EXOC4: variants seen among roughly 807,000 people sequenced by gnomAD.
EXOC4 encodes SEC8-like 1.
EXOC4 carries 71 observed loss-of-function variants against 107.2 expected under a neutral mutation model. The observed-to-expected ratio is 0.66, with a 90% CI of 0.55 to 0.81. The LOEUF (loss-of-function observed/expected upper bound fraction) is 0.81, where lower values mean the gene tolerates loss of function less well. EXOC4 is among the 30% of genes least tolerant of loss of function. EXOC4 has a pLI of 0.00. For missense variants in EXOC4, 1,108 were observed against 1,189.6 expected (o/e 0.93, Z 1.01); for synonymous variants, 456 against 441.2 (o/e 1.03, Z -0.42).
At chr7:133,461,826 A>C (rs1327629125) in intron 7 of EXOC4, among the ~76,000 whole-genome samples, 1 of 152,204 alleles carries the variant, frequency 6.6e-6, no homozygotes, top group East Asian at 1.9e-4. Context: ...AACTTAAGAC[A>C]TTGTGCCTAG....
intron 9 of EXOC4, among the ~76,000 whole-genome samples, chr7:133,503,777 C>T (rs1003994733): frequency 4.6e-5 from 7 of 151,982 alleles, no homozygotes; most frequent in Admixed American, 2.6e-4. Context: ...GGAGCCTAAG[C>T]GTATGAATTA....
At chr7:133,760,952 A>C (rs1796020329) in intron 10 of EXOC4, among the ~76,000 whole-genome samples, 1 of 152,148 alleles carries the variant, frequency 6.6e-6, no homozygotes, top group East Asian at 1.9e-4. Context: ...TCATTATTTG[A>C]CCCATAACAC....
At chr7:133,261,153 A>G (rs1337156390) in intron 1 of EXOC4, among the ~76,000 whole-genome samples, 1 of 151,948 alleles carries the variant, frequency 6.6e-6, no homozygotes, top group Non-Finnish European at 1.5e-5. Context: ...CAAATGGAAT[A>G]TAGGTATTAT....
chr7:133,800,641 A>C (rs984787361), intron 10 of EXOC4, among the ~76,000 whole-genome samples: 2 of 152,200 alleles, frequency 1.3e-5, no homozygotes, highest in African/African-American at 4.8e-5. Flanking sequence ...AAGTTGAAGC[A>C]ATCTTAGGAA....
chr7:134,078,857 T>C, the EXOC4 span, among the ~76,000 whole-genome samples: 3 of 152,258 alleles, frequency 2.0e-5, no homozygotes, highest in Non-Finnish European at 4.4e-5. Context: ...ACTTCTTGCA[T>C]CTTGCAGTTG....
intron 14 of EXOC4, among the ~76,000 whole-genome samples, chr7:133,941,410 C>T (rs1047221141): frequency 1.3e-5 from 2 of 152,186 alleles, no homozygotes; most frequent in Admixed American, 1.3e-4. Context: ...AAAAGTTCTA[C>T]ATTTTAGTTG....
At chr7:133,839,695 A>G (rs1380712453) in intron 11 of EXOC4, among the ~76,000 whole-genome samples, 1 of 152,244 alleles carries the variant, frequency 6.6e-6, no homozygotes, top group Non-Finnish European at 1.5e-5. Context: ...GGTGCTTTAT[A>G]GGAATATTAA....
intron 9 of EXOC4, among the ~76,000 whole-genome samples, chr7:133,543,332 T>C (rs1313361057): frequency 6.6e-6 from 1 of 152,206 alleles, no homozygotes; most frequent in African/African-American, 2.4e-5. Context: ...TAATTAATTC[T>C]GTTTATTCCA....
the EXOC4 span, among the ~76,000 whole-genome samples, chr7:134,072,732 G>A: frequency 2.6e-4 from 40 of 152,304 alleles, no homozygotes; most frequent in Admixed American, 5.9e-4. Flanking sequence ...GGATAACAGT[G>A]ATACTAATAG....
At chr7:133,308,411 T>G (rs1010196726) in intron 4 of EXOC4, among the ~76,000 whole-genome samples, 4 of 152,282 alleles carry the variant, frequency 2.6e-5, no homozygotes, top group African/African-American at 9.6e-5. Flanking sequence ...TTTGACACAC[T>G]TGGAGGGAAG....
At chr7:133,773,491 A>ATTATTATTATTATTATTATTATTT (rs1562991414) in intron 10 of EXOC4, among the ~76,000 whole-genome samples, 2 of 150,144 alleles carry the variant, frequency 1.3e-5, no homozygotes, top group African/African-American at 4.9e-5. Flanking sequence ...TATTATTATT[A>ATTATTATTATTATTATTATTATTT]TTTTTCTTTT....
chr7:133,939,653 T>A (rs1257480865), intron 14 of EXOC4, among the ~76,000 whole-genome samples: 2 of 152,198 alleles, frequency 1.3e-5, no homozygotes, highest in East Asian at 3.8e-4. Context: ...TGCACCACCA[T>A]GCCCAACTCT....
chr7:133,599,591 A>G (rs1488222402), intron 9 of EXOC4, among the ~76,000 whole-genome samples: 2 of 152,176 alleles, frequency 1.3e-5, no homozygotes. Flanking sequence ...ACAGTTACCA[A>G]ATTAGCCTTT....
intron 10 of EXOC4, among the ~76,000 whole-genome samples, chr7:133,702,423 T>C (rs907212409): frequency 1.2e-5 from 1 of 82,534 alleles, no homozygotes; most frequent in African/African-American, 4.6e-5. Flanking sequence ...ACTACAACCT[T>C]GAAATCATGG....
At chr7:133,958,482 C>T (rs1007908861) in intron 14 of EXOC4, among the ~76,000 whole-genome samples, 1 of 151,976 alleles carries the variant, frequency 6.6e-6, no homozygotes. Context: ...CTATTTTATC[C>T]CTTGCTAAAT....
chr7:133,345,017 T>C (rs1209599236), intron 5 of EXOC4, among the ~76,000 whole-genome samples: 1 of 152,198 alleles, frequency 6.6e-6, no homozygotes, highest in Non-Finnish European at 1.5e-5. Flanking sequence ...TTTTGCTGCT[T>C]ATTTTTCTTG....
rs1016675590 is a variant in EXOC4 at position 134,046,469 on chromosome 7, TA to T, written c.2688-17811del. 1.5e-3 allele frequency among the ~76,000 whole-genome samples: 205 copies of T among 140,662 alleles called. 1 individual carries two copies. Among genetic ancestry groups the T allele is most frequent in the African/African-American group, 4.0e-3 (153 of 38,590 alleles). 92.3% of individuals were successfully genotyped at this position (140,662 alleles called of 152,430 possible). ...AGGACGACAGAGTAAGACTATGTCT[TA>T]AAAAAAAAAACAAAAAAAGACGGCT... On this transcript the variant is annotated intron_variant, in intron 17 of 17. Coordinates refer to ENST00000253861, the MANE Select transcript of EXOC4 (RefSeq NM_021807.4).
At chr7:133,851,097 T>C (rs1460553087) in intron 11 of EXOC4, among the ~76,000 whole-genome samples, 1 of 152,156 alleles carries the variant, frequency 6.6e-6, no homozygotes, top group African/African-American at 2.4e-5. Flanking sequence ...CACACATGTT[T>C]AACTTTTTAT....
chr7:133,870,052 C>G (rs1416510551), intron 11 of EXOC4, among the ~76,000 whole-genome samples: 1 of 152,082 alleles, frequency 6.6e-6, no homozygotes, highest in Non-Finnish European at 1.5e-5. Flanking sequence ...TTCAATTCAG[C>G]AAGTGTTTGA....
Sources: allele counts gnomAD v4.1 joint callset (sites outside exome capture counted in the v4.1 genomes callset), GRCh38; gene constraint gnomAD v4.1.1; transcripts MANE v1.5; gene names NCBI Gene and HGNC (gene_info 2026-07-23, HGNC 2026-07-21).